SYBU: variants seen among roughly 807,000 people sequenced by gnomAD.
The protein encoded by SYBU is syntabulin, also known as GOLSYN A protein.
SYBU carries 21 observed loss-of-function variants against 35.9 expected under a neutral mutation model. That is an observed-to-expected ratio of 0.58 (90% CI 0.41 to 0.84). The LOEUF (loss-of-function observed/expected upper bound fraction) is 0.84, where lower values mean the gene tolerates loss of function less well. Ranked by LOEUF, SYBU falls within the 40% of genes least tolerant of loss-of-function variation. The probability of loss-of-function intolerance (pLI) is 0.00; values close to 1 mark genes in which losing one functional copy is unlikely to be tolerated. For synonymous variants in SYBU, 319 were observed against 324.3 expected (o/e 0.98, Z 0.18); for missense variants, 768 against 848.2 (o/e 0.91, Z 1.17).
At chr8:109,580,062 T>C (rs935073936) in intron 4 of SYBU, 60 bp from the exon 5 acceptor site, 7 of 1,464,828 alleles carry the variant, frequency 4.8e-6, no homozygotes, top group African/African-American at 1.4e-5. Flanking sequence ...CAAGGGCTAA[T>C]GTCTTACTCC....
At chr8:109,616,872 C>T (rs539829501) in intron 3 of SYBU, among the ~76,000 whole-genome samples, 2 of 152,146 alleles carry the variant, frequency 1.3e-5, no homozygotes, top group South Asian at 4.1e-4. Flanking sequence ...AGCACAGTGG[C>T]TCATGCCTGT....
chr8:109,636,088 G>A (rs1249962731), intron 2 of SYBU, among the ~76,000 whole-genome samples: 1 of 152,138 alleles, frequency 6.6e-6, no homozygotes, highest in Non-Finnish European at 1.5e-5. Context: ...GGACCCTTGA[G>A]CTCATGGAAG....
chr8:109,622,181 G>GTATC (rs33965004), intron 2 of SYBU, among the ~76,000 whole-genome samples: 30,429 of 146,308 alleles, frequency 0.21, 3,355 homozygotes, highest in Middle Eastern at 0.3. Context: ...AATAATATGA[G>GTATC]TATCTATCTA....
Position 109,673,308 on chromosome 8 carries a change from C to G in SYBU, c.-129+7403G>C, listed in dbSNP as rs1422826609. 5.9e-5 allele frequency among the ~76,000 whole-genome samples: 9 copies of G among 152,248 alleles called. No individual in the cohort carries two copies. The East Asian group carries it at 1.7e-3, about 29-fold the overall frequency. ...CTCCGGCTGGCATTTGGCGGGTGCC[C>G]CTCTGGGATGAAGCTCCCAGGGGAA... On this transcript the variant is annotated intron_variant, in intron 1 of 5. Transcript: ENST00000408889.
intron 3 of SYBU, among the ~76,000 whole-genome samples, chr8:109,594,010 G>T (rs1049528482): frequency 1.3e-5 from 2 of 152,198 alleles, no homozygotes; most frequent in Non-Finnish European, 2.9e-5. Flanking sequence ...TTACTGAAGT[G>T]AACTGAATTT....
chr8:109,674,880 C>T (rs568207949), intron 1 of SYBU, among the ~76,000 whole-genome samples: 3 of 152,164 alleles, frequency 2.0e-5, no homozygotes, highest in Non-Finnish European at 4.4e-5. Flanking sequence ...TAATATAGAC[C>T]ATGTAATTGG....
chr8:109,591,311 G>A (rs1824217986), intron 3 of SYBU, among the ~76,000 whole-genome samples: 1 of 152,082 alleles, frequency 6.6e-6, no homozygotes, highest in African/African-American at 2.4e-5. Flanking sequence ...TTTCTTGAGG[G>A]ATAAAATGAT....
chr8:109,609,277 A>AT (rs1275633140), intron 3 of SYBU, among the ~76,000 whole-genome samples: 3 of 152,204 alleles, frequency 2.0e-5, no homozygotes, highest in South Asian at 2.1e-4. Context: ...ATTGGCTGCA[A>AT]TCAGTGCTAA....
At position 109,630,964 on chromosome 8, in the gene SYBU, G is replaced by A. The variant is rs138967396; in HGVS notation, c.229+11764C>T. ...CAGCGGGGCGGTTCACAGAAGCCAC[G>A]GAGGAAAATCTTTCCTAGGAGTGGG... is the stretch of plus-strand genomic sequence containing the variant. On this transcript the variant is annotated intron_variant, in intron 2 of 6. Coordinates refer to ENST00000276646, the MANE Select transcript of SYBU (RefSeq NM_001099754.2). Among the ~76,000 whole-genome samples, 473 of 152,272 alleles carry A rather than the reference G, an allele frequency of 3.1e-3. 2 individuals are homozygous for A. Among genetic ancestry groups the A allele is most frequent in the African/African-American group, 0.01 (420 of 41,548 alleles).
intron 2 of SYBU, among the ~76,000 whole-genome samples, chr8:109,634,032 A>G (rs1813930255): frequency 6.6e-6 from 1 of 152,100 alleles, no homozygotes; most frequent in South Asian, 2.1e-4. Context: ...CTGCAACTGG[A>G]TATAATTACC....
At chr8:109,588,847 C>T (rs989812659) in intron 3 of SYBU, among the ~76,000 whole-genome samples, 2 of 152,096 alleles carry the variant, frequency 1.3e-5, no homozygotes, top group Non-Finnish European at 2.9e-5. Context: ...AAATCACGCA[C>T]AGAGTACCTA....
chr8:109,649,382 T>C (rs1298580435), upstream of SYBU, among the ~76,000 whole-genome samples: 1 of 152,060 alleles, frequency 6.6e-6, no homozygotes, highest in African/African-American at 2.4e-5. Flanking sequence ...ATGACTAGAA[T>C]TGCACAAGAT....
intron 2 of SYBU, among the ~76,000 whole-genome samples, chr8:109,623,441 T>A (rs1168806753): frequency 3.9e-5 from 6 of 152,190 alleles, no homozygotes; most frequent in Non-Finnish European, 8.8e-5. Flanking sequence ...TCCAGGAACC[T>A]CAGAGGTTGT....
chr8:109,622,248 T>C lies in SYBU; in HGVS notation c.230-3209A>G, dbSNP rs3134347. On this transcript the variant is annotated intron_variant, in intron 2 of 6. Transcript: ENST00000276646. ...ATCATCTATCTATCTATCTATCTTTTTAAGACAGAGTCTCGCTCTGTCGCC... is the reference window on the plus strand; with the variant it reads ...ATCATCTATCTATCTATCTATCTTTCTAAGACAGAGTCTCGCTCTGTCGCC... Among the ~76,000 whole-genome samples, 302 of 124,174 alleles carry C rather than the reference T, an allele frequency of 2.4e-3. 1 individual carries two copies. The highest frequency in any genetic ancestry group is 7.9e-3 in the East Asian group (17 of 2,164). 81.5% of individuals were successfully genotyped at this position (124,174 alleles called of 152,430 possible). A position where few individuals can be genotyped will look rare whatever the true frequency, so the allele number is the denominator to read the frequency against.
intron 1 of SYBU, among the ~76,000 whole-genome samples, chr8:109,651,923 C>T (rs1816158250): frequency 6.6e-6 from 1 of 152,124 alleles, no homozygotes; most frequent in Admixed American, 6.5e-5. Flanking sequence ...AAGATATTGC[C>T]AGGACTTTTC....
chr8:109,626,975 G>T (rs1020542320), intron 2 of SYBU, among the ~76,000 whole-genome samples: 1 of 152,178 alleles, frequency 6.6e-6, no homozygotes, highest in Non-Finnish European at 1.5e-5. Flanking sequence ...CTCTAAAACT[G>T]CTGGCTCCTT....
At chr8:109,580,135 G>A (rs537736534) in intron 4 of SYBU, 133 bp from the exon 5 acceptor site, 6 of 799,848 alleles carry the variant, frequency 7.5e-6, no homozygotes, top group East Asian at 2.7e-5. Flanking sequence ...CGTGTAGACT[G>A]TCCTTAGGAG....
At chr8:109,654,946 C>G (rs1456377638) in intron 1 of SYBU, among the ~76,000 whole-genome samples, 1 of 152,218 alleles carries the variant, frequency 6.6e-6, no homozygotes, top group African/African-American at 2.4e-5. Flanking sequence ...ACCTGTCCCC[C>G]ACACTTGTCC....
chr8:109,600,365 A>G (rs1825380509), intron 3 of SYBU, among the ~76,000 whole-genome samples: 1 of 152,184 alleles, frequency 6.6e-6, no homozygotes, highest in South Asian at 2.1e-4. Flanking sequence ...TCCAGCCTGT[A>G]TGCCCAAACC....
Sources: allele counts gnomAD v4.1 joint callset (sites outside exome capture counted in the v4.1 genomes callset), GRCh38; gene constraint gnomAD v4.1.1; transcripts MANE v1.5; gene names NCBI Gene and HGNC (gene_info 2026-07-23, HGNC 2026-07-21).